CELF2: variants seen among roughly 807,000 people sequenced by gnomAD.
CELF2 encodes the protein CUG triplet repeat RNA-binding protein 2.
CELF2 carries 8 observed loss-of-function variants against 62.6 expected under a neutral mutation model. The observed-to-expected ratio is 0.13, with a 90% CI of 0.07 to 0.23. The LOEUF (loss-of-function observed/expected upper bound fraction) is 0.23, where lower values mean the gene tolerates loss of function less well. Ranked by LOEUF, CELF2 falls within the 10% of genes least tolerant of loss-of-function variation. The pLI, the probability that CELF2 is intolerant of heterozygous loss-of-function variation, is 1.00. For missense variants in CELF2, 333 were observed against 671.0 expected (o/e 0.50, Z 5.56); for synonymous variants, 258 against 250.0 (o/e 1.03, Z -0.30).
the CELF2 span, among the ~76,000 whole-genome samples, chr10:10,691,095 C>T: frequency 5.3e-5 from 8 of 151,910 alleles, no homozygotes; most frequent in South Asian, 4.2e-4. Flanking sequence ...CATGCTGGTG[C>T]GCTGCACCCA....
At chr10:11,158,679 G>A (rs965244565) in intron 1 of CELF2, among the ~76,000 whole-genome samples, 2 of 152,002 alleles carry the variant, frequency 1.3e-5, no homozygotes, top group Admixed American at 6.6e-5. Context: ...ATTGAAATAA[G>A]GTAATAAGGT....
chr10:11,176,508 C>T (rs2071193600), intron 2 of CELF2, among the ~76,000 whole-genome samples: 1 of 152,136 alleles, frequency 6.6e-6, no homozygotes, highest in African/African-American at 2.4e-5. Context: ...GGAACTCTGA[C>T]GTGTATTTTA....
chr10:11,157,781 C>CT lies in CELF2; in HGVS notation c.75-7703dup, dbSNP rs1234447911. ...GAAGAACTGGCTTTCACCACCCAGG[C>CT]TTCTGAAGTGTGTAGAGAGGGTTGT... On this transcript the variant is annotated intron_variant, in intron 1 of 12. Coordinates refer to ENST00000633077, the MANE Select transcript of CELF2 (RefSeq NM_001326342.2). The surrounding 1 kb of genome is among the most constrained non-coding windows in gnomAD (Gnocchi z 4.9). Among the ~76,000 whole-genome samples, 1 of 152,220 alleles carries CT rather than the reference C, an allele frequency of 6.6e-6. No homozygotes were observed. The highest frequency in any genetic ancestry group is 6.5e-5 in the Admixed American group (1 of 15,290).
intron 2 of CELF2, among the ~76,000 whole-genome samples, chr10:11,182,472 T>G (rs1225723607): frequency 6.6e-6 from 1 of 152,250 alleles, no homozygotes; most frequent in Non-Finnish European, 1.5e-5. Flanking sequence ...CTAGTTGTGA[T>G]CCTAGAGCTT....
rs1466410934 is a variant in CELF2 at position 11,244,672 on chromosome 10, C to A, written c.355-4481C>A. ...AGACTCCGTCTCAAAAAAAAAAAAA[C>A]AGCATAAAAACAACAACAACTTCCG... On this transcript the variant is annotated intron_variant, in intron 3 of 12. Coordinates refer to ENST00000633077, the MANE Select transcript of CELF2 (RefSeq NM_001326342.2). The surrounding 1 kb of genome is among the most constrained non-coding windows in gnomAD (Gnocchi z 4.2). Among the ~76,000 whole-genome samples the A allele has an allele frequency of 2.9e-5, 4 of 137,396 alleles. No individual in the cohort carries two copies. The highest frequency in any genetic ancestry group is 4.8e-5 in the Non-Finnish European group (3 of 62,698). 90.1% of individuals were successfully genotyped at this position (137,396 alleles called of 152,430 possible). A position where few individuals can be genotyped will look rare whatever the true frequency, so the allele number is the denominator to read the frequency against.
At chr10:11,261,722 T>TG (rs1365395019) in intron 5 of CELF2, among the ~76,000 whole-genome samples, 3 of 152,210 alleles carry the variant, frequency 2.0e-5, no homozygotes, top group Non-Finnish European at 4.4e-5. Context: ...CAAGCAACTT[T>TG]GGGATGCTCA....
At position 11,334,783 on chromosome 10, in the gene CELF2, A is replaced by T. The variant is rs928831250; in HGVS notation, c.*5730A>T. The T allele has an allele frequency of 3.3e-5, 5 of 152,240 alleles. No individual in the cohort carries two copies. Among genetic ancestry groups the T allele is most frequent in the African/African-American group, 1.2e-4 (5 of 41,450 alleles). The allele number at this position is 152,240 out of a possible 1,614,324, so 9.4% of individuals were successfully genotyped here. Reference sequence around the variant, plus strand: ...CACGAGGCCAAACCCGCATCATTACAGTCCAACTCTTCTTAGACACTAATC... The same window carrying T: ...CACGAGGCCAAACCCGCATCATTACTGTCCAACTCTTCTTAGACACTAATC... On this transcript the variant is annotated 3_prime_UTR_variant, in exon 13 of 13. Coordinates refer to ENST00000633077, the MANE Select transcript of CELF2 (RefSeq NM_001326342.2).
rs74230439 is a variant in CELF2 at position 10,983,853 on chromosome 10, C to A, written c.89+63854C>A. ...GTGCTGGGATTACAGGCATGAGCTA[C>A]CACGCCTGGCCGATATATCTGTTAT... On this transcript the variant is annotated intron_variant, in intron 2 of 13. Coordinates refer to the CELF2 transcript ENST00000636488. The surrounding 1 kb of genome is among the most constrained non-coding windows in gnomAD (Gnocchi z 5.2). 1.6e-3 allele frequency among the ~76,000 whole-genome samples: 251 copies of A among 152,352 alleles called. 8 individuals carry two copies. The East Asian group carries it at 0.044, about 27-fold the overall frequency.
the CELF2 span, among the ~76,000 whole-genome samples, chr10:10,682,960 A>T: frequency 6.6e-6 from 1 of 152,182 alleles, no homozygotes; most frequent in Non-Finnish European, 1.5e-5. Context: ...GATTGACAAC[A>T]TGGACCAGCA....
intron 1 of CELF2, among the ~76,000 whole-genome samples, chr10:10,832,255 G>A (rs12783907): frequency 0.16 from 22,785 of 146,870 alleles, 1,893 homozygotes; most frequent in Non-Finnish European, 0.19. Context: ...GCAACAGAGC[G>A]AGACTCCATC....
chr10:10,587,708 C>T, the CELF2 span, among the ~76,000 whole-genome samples: 3 of 152,118 alleles, frequency 2.0e-5, no homozygotes, highest in African/African-American at 4.8e-5. Context: ...TCCACGTTAG[C>T]CCTAGAATTG....
At chr10:10,502,858 T>C in the CELF2 span, among the ~76,000 whole-genome samples, 2 of 151,996 alleles carry the variant, frequency 1.3e-5, no homozygotes, top group African/African-American at 2.4e-5. Flanking sequence ...ATTTCTTCCT[T>C]TCTGATGCAT....
At chr10:10,881,829 C>G (rs1007053809) in intron 1 of CELF2, among the ~76,000 whole-genome samples, 3 of 152,140 alleles carry the variant, frequency 2.0e-5, no homozygotes, top group African/African-American at 7.2e-5. Flanking sequence ...AGTCATTTAT[C>G]CACTTTATCA....
At chr10:10,614,216 C>T in the CELF2 span, among the ~76,000 whole-genome samples, 2 of 152,022 alleles carry the variant, frequency 1.3e-5, no homozygotes, top group Non-Finnish European at 2.9e-5. Flanking sequence ...TCTCCTTCCT[C>T]CCCCATTTTC....
chr10:10,768,780 G>T, the CELF2 span, among the ~76,000 whole-genome samples: 1 of 151,970 alleles, frequency 6.6e-6, no homozygotes, highest in Non-Finnish European at 1.5e-5. Context: ...CACCATGTTG[G>T]TAAGGCTGGT....
chr10:10,852,575 A>G (rs1002854324), intron 1 of CELF2, among the ~76,000 whole-genome samples: 1 of 152,184 alleles, frequency 6.6e-6, no homozygotes, highest in Non-Finnish European at 1.5e-5. Flanking sequence ...ATTGAATGGA[A>G]GTAAACACAC....
At chr10:10,685,447 A>G in the CELF2 span, among the ~76,000 whole-genome samples, 3 of 152,178 alleles carry the variant, frequency 2.0e-5, no homozygotes, top group Non-Finnish European at 4.4e-5. Context: ...ATTTTATTAT[A>G]TCCTATAAAA....
intron 1 of CELF2, among the ~76,000 whole-genome samples, chr10:10,907,005 C>T (rs1289081956): frequency 3.3e-5 from 5 of 152,204 alleles, no homozygotes; most frequent in Admixed American, 2.0e-4. Flanking sequence ...GCATGAGCCA[C>T]GAGAACGTAC....
chr10:10,837,146 G>C (rs566169827), intron 1 of CELF2, among the ~76,000 whole-genome samples: 10 of 152,276 alleles, frequency 6.6e-5, no homozygotes, highest in Admixed American at 2.0e-4. Flanking sequence ...TTGAATTATA[G>C]CTCCCATCAT....
Sources: gnomAD v4.1 joint callset for allele counts (sites outside exome capture counted in the v4.1 genomes callset) on GRCh38, gnomAD v4.1.1 for gene constraint, Gnocchi (gnomAD v3.1) non-coding constraint, MANE v1.5 for transcripts, NCBI Gene and HGNC (gene_info 2026-07-23, HGNC 2026-07-21) for gene names.